FKBP1B: variants seen among roughly 807,000 people sequenced by gnomAD.
FKBP1B encodes the protein peptidyl-prolyl cis-trans isomerase FKBP1B.
A neutral mutation model predicts 13.5 loss-of-function variants in FKBP1B; 4 were observed. That is an observed-to-expected ratio of 0.30 (90% confidence interval 0.15 to 0.68). The LOEUF is 0.68. Among genes scored for constraint, FKBP1B ranks in the 30% least tolerant of loss-of-function variants. The pLI is 0.76. For synonymous variants in FKBP1B, 54 were observed against 53.6 expected (o/e 1.01, Z -0.03); for missense variants, 93 against 136.2 (o/e 0.68, Z 1.58).
the FKBP1B span, among the ~76,000 whole-genome samples, chr2:24,043,146 C>T: frequency 6.6e-6 from 1 of 151,984 alleles, no homozygotes; most frequent in Non-Finnish European, 1.5e-5. Flanking sequence ...TCAGCCTGGC[C>T]AACATGGCGA....
chr2:24,038,080 C>A, the FKBP1B span: 2 of 1,614,082 alleles, frequency 1.2e-6, no homozygotes, highest in Admixed American at 1.7e-5. Flanking sequence ...GTTTTGGTGA[C>A]AAAAATCTGG....
intron 2 of FKBP1B, chr2:24,054,243 C>A: frequency 3.4e-6 from 2 of 590,364 alleles, no homozygotes; most frequent in Non-Finnish European, 6.3e-6. Context: ...TATGGTGGAG[C>A]CCCTGTCCCT....
chr2:24,046,620 A>T (rs1304089059), upstream of FKBP1B, among the ~76,000 whole-genome samples: 1 of 152,224 alleles, frequency 6.6e-6, no homozygotes, highest in African/African-American at 2.4e-5. Context: ...CAGCAGGTTT[A>T]AACAAAAGTA....
At chr2:24,054,254 G>C in intron 2 of FKBP1B, 1 of 560,466 alleles carries the variant, frequency 1.8e-6, no homozygotes, top group Non-Finnish European at 3.3e-6. Flanking sequence ...CCCTGTCCCT[G>C]CTGGGTCTGT....
At chr2:24,060,955 T>A (rs763450374) in intron 3 of FKBP1B, 29 bp downstream of exon 3, 2 of 1,548,388 alleles carry the variant, frequency 1.3e-6, no homozygotes, top group Admixed American at 1.7e-5. Flanking sequence ...TTAAAGGGGA[T>A]CTGGGGAGTT....
chr2:24,063,284 T>G lies in FKBP1B; in HGVS notation c.*92T>G. The G allele has an allele frequency of 7.9e-7, 1 of 1,272,346 alleles. No individual in the cohort carries two copies. Among genetic ancestry groups the G allele is most frequent in the Non-Finnish European group, 1.1e-6 (1 of 939,136 alleles). 78.8% of individuals were successfully genotyped at this position (1,272,346 alleles called of 1,614,324 possible). On this transcript the variant is annotated 3_prime_UTR_variant, in exon 4 of 4. Coordinates refer to ENST00000380986, the MANE Select transcript of FKBP1B (RefSeq NM_004116.5). ...GGGACGGCTCCTGCTTTTGGGGCTC[T>G]TGATCAGTGTGCTAACCTCACTGCC...
At chr2:24,035,615 T>A in the FKBP1B span, among the ~76,000 whole-genome samples, 179 of 152,014 alleles carry the variant, frequency 1.2e-3, 1 homozygote, top group Middle Eastern at 6.8e-3. Flanking sequence ...AAAATAATTT[T>A]AAAAAAATCA....
In FKBP1B at chr2:24,050,992, C is replaced by T. The variant is rs1476289660; in HGVS notation, c.37+1106C>T. On this transcript the variant is annotated intron_variant, in intron 1 of 3. Coordinates refer to ENST00000380986, the MANE Select transcript of FKBP1B (RefSeq NM_004116.5). The surrounding 1 kb of genome is among the most constrained non-coding windows in gnomAD (Gnocchi z 5.8). Reference sequence around the variant, plus strand: ...CCCCATCTTCAGTCTCTCCTCCCTGCTTTCAATCTCGTCCCCAATCTCATA... The same window carrying T: ...CCCCATCTTCAGTCTCTCCTCCCTGTTTTCAATCTCGTCCCCAATCTCATA... Among the ~76,000 whole-genome samples, 1 of 152,364 alleles carries T rather than the reference C, an allele frequency of 6.6e-6. No individual in the cohort carries two copies. The highest frequency in any genetic ancestry group is 6.5e-5 in the Admixed American group (1 of 15,300).
At chr2:24,039,377 G>A in the FKBP1B span, 90 of 1,614,116 alleles carry the variant, frequency 5.6e-5, no homozygotes, top group East Asian at 1.1e-3. Context: ...CTGTGAAGCC[G>A]CAAATCAGTT....
chr2:24,049,430 A>G (rs1573676064), upstream of FKBP1B: 1 of 168,346 alleles, frequency 5.9e-6, no homozygotes, highest in African/African-American at 2.4e-5. Flanking sequence ...TCTGCCCCCC[A>G]CCCCCCACAA....
rs903037771 is a variant in FKBP1B, at chr2:24,050,820, G to C, written c.37+934G>C. Among the ~76,000 whole-genome samples the C allele has an allele frequency of 3.3e-5, 5 of 152,184 alleles. No homozygotes were observed. The highest frequency in any genetic ancestry group is 1.2e-4 in the African/African-American group (5 of 41,436). ...GAAATTGGATAACTTCTTGGCTCCA[G>C]GCCATCTTCCTTGTCCAATCCCAGC... On this transcript the variant is annotated intron_variant, in intron 1 of 3. Coordinates refer to ENST00000380986, the MANE Select transcript of FKBP1B (RefSeq NM_004116.5). The surrounding 1 kb of genome is among the most constrained non-coding windows in gnomAD (Gnocchi z 5.8).
At chr2:24,047,900 G>C (rs1663683679), upstream of FKBP1B, among the ~76,000 whole-genome samples, 1 of 152,156 alleles carries the variant, frequency 6.6e-6, no homozygotes. Context: ...GCGTCCCTTA[G>C]GCTTCTTCAG....
At chr2:24,039,039 G>A in the FKBP1B span, 1 of 1,614,114 alleles carries the variant, frequency 6.2e-7, no homozygotes, top group Admixed American at 1.7e-5. Flanking sequence ...GGGTGTTGAT[G>A]TCTGCCTTTA....
At chr2:24,045,600 CAAAAAAAAAAA>C (rs869243363), upstream of FKBP1B, among the ~76,000 whole-genome samples, 2 of 64,412 alleles carry the variant, frequency 3.1e-5, no homozygotes. Flanking sequence ...GACTCCATCT[CAAAAAAAAAAA>C]AAAAAAAAAG....
At chr2:24,040,565 T>C in the FKBP1B span, among the ~76,000 whole-genome samples, 1 of 152,214 alleles carries the variant, frequency 6.6e-6, no homozygotes, top group Non-Finnish European at 1.5e-5. Flanking sequence ...CTTCATCTTA[T>C]TCAACAGCAC....
intron 1 of FKBP1B, among the ~76,000 whole-genome samples, chr2:24,052,459 C>G (rs924930450): frequency 2.0e-5 from 3 of 152,130 alleles, no homozygotes; most frequent in Non-Finnish European, 4.4e-5. Context: ...ACTTGTTACT[C>G]CTTTCCCAAG....
At chr2:24,037,934 G>A in the FKBP1B span, 1 of 1,614,158 alleles carries the variant, frequency 6.2e-7, no homozygotes. Context: ...AGCGATGCTG[G>A]CTGGGTAACA....
At chr2:24,053,596 C>T (rs1263397024) in intron 1 of FKBP1B, among the ~76,000 whole-genome samples, 1 of 149,082 alleles carries the variant, frequency 6.7e-6, no homozygotes, top group Non-Finnish European at 1.5e-5. Context: ...AGGAGGCCAA[C>T]TGTAAATGTC....
chr2:24,038,052 T>A, the FKBP1B span: 1 of 1,614,180 alleles, frequency 6.2e-7, no homozygotes. Flanking sequence ...TGGTATTAAC[T>A]GTCAGCAACA....
Sources: allele counts gnomAD v4.1 joint callset (sites outside exome capture counted in the v4.1 genomes callset), GRCh38; gene constraint gnomAD v4.1.1; non-coding constraint Gnocchi (gnomAD v3.1); transcripts MANE v1.5; gene names NCBI Gene and HGNC (gene_info 2026-07-23, HGNC 2026-07-21).